Variants in CCDC62 observed in about 807,000 individuals in gnomAD.
CCDC62 encodes coiled-coil domain containing 62, also known as coiled-coil domain-containing protein 62.
CCDC62 carries 72 observed loss-of-function variants against 80.8 expected under a neutral mutation model. The observed-to-expected ratio is 0.89, with a 90% CI of 0.74 to 1.08. The LOEUF is 1.08. Among genes scored for constraint, CCDC62 ranks in the 50% least tolerant of loss-of-function variants. The pLI, the probability that CCDC62 is intolerant of heterozygous loss-of-function variation, is 0.00. For missense variants in CCDC62, 704 were observed against 809.4 expected (o/e 0.87, Z 1.58); for synonymous variants, 286 against 296.5 (o/e 0.96, Z 0.36).
At chr12:122,805,746 C>A (rs1008246514) in intron 9 of CCDC62, among the ~76,000 whole-genome samples, 10 of 151,876 alleles carry the variant, frequency 6.6e-5, no homozygotes, top group African/African-American at 2.4e-4. Context: ...TCCTGACCTC[C>A]TGATCCGCCT....
At chr12:122,776,124 G>A (rs1285783709) in intron 1 of CCDC62, among the ~76,000 whole-genome samples, 2 of 152,118 alleles carry the variant, frequency 1.3e-5, no homozygotes, top group Non-Finnish European at 2.9e-5. Context: ...TGATTACAAC[G>A]GGCCAGGCTT....
At chr12:122,790,835 T>G (rs1462169821) in intron 5 of CCDC62, among the ~76,000 whole-genome samples, 2 of 152,162 alleles carry the variant, frequency 1.3e-5, no homozygotes, top group African/African-American at 4.8e-5. Flanking sequence ...CTCGTTAGCA[T>G]GTAGTCTGGT....
chr12:122,808,755 T>G (rs4424710), intron 10 of CCDC62, among the ~76,000 whole-genome samples: 128,141 of 152,038 alleles, frequency 0.84, 55,248 homozygotes, highest in East Asian at 0.99. Flanking sequence ...TCAAACTCCT[T>G]ACCTCAAGCA....
At chr12:122,824,631 A>T (rs1397412111) in intron 12 of CCDC62, among the ~76,000 whole-genome samples, 1 of 139,270 alleles carries the variant, frequency 7.2e-6, no homozygotes, top group Non-Finnish European at 1.6e-5. Flanking sequence ...CTAAAAGTAG[A>T]ACTCCGATTT....
chr12:122,809,722 G>A (rs2031785815), intron 10 of CCDC62, among the ~76,000 whole-genome samples: 1 of 152,178 alleles, frequency 6.6e-6, no homozygotes, highest in Admixed American at 6.6e-5. Flanking sequence ...TCAATCCTAA[G>A]CCAAAAGAAC....
chr12:122,823,369 T>G lies in CCDC62; in HGVS notation c.2005T>G (p.Ser669Ala). The change falls in exon 12 of 13, where the codon TCA (serine) becomes GCA (alanine). Residue 669 changes from serine to alanine, a missense_variant. Transcript: ENST00000253079. ...TAATCTGGGAGTTGTTTTCTAGAAGTCAGAGGTCCCAGAAGAGTCAGCTCA... is the reference window on the plus strand; with the variant it reads ...TAATCTGGGAGTTGTTTTCTAGAAGGCAGAGGTCCCAGAAGAGTCAGCTCA... ...ENLTGSATNK[S>A]EVPEESAQKN... is the part of the protein sequence containing the mutation. The G allele has an allele frequency of 6.2e-7, 1 of 1,612,608 alleles. No individual in the cohort carries two copies. The highest frequency in any genetic ancestry group is 8.5e-7 in the Non-Finnish European group (1 of 1,178,650).
At chr12:122,798,700 G>C (rs1351253054) in intron 8 of CCDC62, among the ~76,000 whole-genome samples, 1 of 152,194 alleles carries the variant, frequency 6.6e-6, no homozygotes, top group Non-Finnish European at 1.5e-5. Context: ...AGAATCACTT[G>C]AACCCCGGAG....
chr12:122,819,107 C>T (rs1282494174), intron 11 of CCDC62, among the ~76,000 whole-genome samples: 1 of 152,116 alleles, frequency 6.6e-6, no homozygotes, highest in Admixed American at 6.6e-5. Context: ...TTTTCTGGTG[C>T]ATTAACTGAT....
rs771808380 is a variant in CCDC62, at chr12:122,781,370, C to T, written c.396+40C>T. ...TTGATAAGCTTCACTAGTCCAAATT[C>T]CCTTTGTGTTTCAGTTATTGAAAAA... On this transcript the variant is annotated intron_variant, in intron 3 of 12. Coordinates refer to ENST00000253079, the MANE Select transcript of CCDC62 (RefSeq NM_201435.5). 6 of 1,576,984 alleles carry T rather than the reference C, an allele frequency of 3.8e-6. No individual in the cohort carries two copies. The Admixed American group carries it at 1.1e-4, about 28-fold the overall frequency.
intron 9 of CCDC62, among the ~76,000 whole-genome samples, chr12:122,804,155 G>T (rs1017259187): frequency 6.6e-6 from 1 of 152,160 alleles, no homozygotes; most frequent in Non-Finnish European, 1.5e-5. Context: ...CCCGTGCAGG[G>T]AGAAACTGGG....
At chr12:122,799,834 G>A (rs190729718) in intron 8 of CCDC62, among the ~76,000 whole-genome samples, 34 of 152,274 alleles carry the variant, frequency 2.2e-4, no homozygotes, top group African/African-American at 8.2e-4. Flanking sequence ...TGTGGCTGGG[G>A]CCGCCCTGCT....
chr12:122,774,804 A>C, intron 1 of CCDC62, 98 bp downstream of exon 1: 3 of 984,376 alleles, frequency 3.0e-6, no homozygotes, highest in Non-Finnish European at 4.0e-6. Flanking sequence ...TAAAATGTGA[A>C]ACAGGCCGGG....
Position 122,774,829 on chromosome 12 carries a change from C to G in CCDC62, c.36+123C>G, listed in dbSNP as rs554660248. 6.0e-6 allele frequency: 4 copies of G among 663,360 alleles called. No individual in the cohort carries two copies. In the South Asian group the frequency reaches 3.1e-4, roughly 51 times the overall value. 41.1% of individuals were successfully genotyped at this position (663,360 alleles called of 1,614,324 possible). On this transcript the variant is annotated intron_variant, in intron 1 of 12. Transcript: ENST00000253079. ...AACAGGCCGGGCGCGGTGGCTCACG[C>G]CTGTAATCCCAGCGCTTTGGGAGGC...
At chr12:122,787,823 A>G (rs2030357133) in intron 4 of CCDC62, among the ~76,000 whole-genome samples, 1 of 152,136 alleles carries the variant, frequency 6.6e-6, no homozygotes, top group Non-Finnish European at 1.5e-5. Context: ...CATTAGAAGC[A>G]GATGCCCTCC....
At position 122,801,710 on chromosome 12, in the gene CCDC62, A is replaced by G. The variant is rs2031322052; in HGVS notation, c.1564A>G (p.Ile522Val). 2 of 1,614,090 alleles carry G rather than the reference A, an allele frequency of 1.2e-6. No homozygotes were observed. Among genetic ancestry groups the G allele is most frequent in the African/African-American group, 1.3e-5 (1 of 74,940 alleles). The change falls in exon 9 of 13, where the codon ATA becomes GTA. Residue 522 changes from isoleucine (I) to valine (V), a missense_variant. Physicochemically the swap from Ile to Val is conservative, Grantham distance 29. Coordinates refer to ENST00000253079, the MANE Select transcript of CCDC62 (RefSeq NM_201435.5). ...CAAGTGCTGCCACCCGAGTAACTTC[A>G]TAATTGAAGCCCCAGGCCACATGTC... ...DSKCCHPSNF[I>V]IEAPGHMSDV... is the part of the protein sequence containing the mutation.
At chr12:122,812,647 G>GGCAGGAGAATGGCGCGAACCCT (rs71085856) in intron 10 of CCDC62, among the ~76,000 whole-genome samples, 2 of 24,454 alleles carry the variant, frequency 8.2e-5, no homozygotes, top group Non-Finnish European at 2.4e-4. Context: ...GGGAGGCTGA[G>GGCAGGAGAATGGCGCGAACCCT]GTGGGTGGAG....
chr12:122,793,878 G>C (rs2030780007), intron 6 of CCDC62, among the ~76,000 whole-genome samples: 1 of 152,138 alleles, frequency 6.6e-6, no homozygotes, highest in Non-Finnish European at 1.5e-5. Context: ...TGCTGCATCT[G>C]CAAGTAGTGA....
In CCDC62 at chr12:122,811,802, C is replaced by T. The variant is rs368265804; in HGVS notation, c.1852-1468C>T. ...ACGCCACTGCACTCCAGCCTGGCAA[C>T]AGAGTGAGACTCCATCTGCAAAAAA... On this transcript the variant is annotated intron_variant, in intron 10 of 12. Coordinates refer to ENST00000253079, the MANE Select transcript of CCDC62 (RefSeq NM_201435.5). Among the ~76,000 whole-genome samples, 36 of 102,868 alleles carry T rather than the reference C, an allele frequency of 3.5e-4. No homozygotes were observed. The East Asian group carries it at 0.01, about 29-fold the overall frequency. The allele number at this position is 102,868 out of a possible 152,430, so 67.5% of individuals were successfully genotyped here.
intron 10 of CCDC62, among the ~76,000 whole-genome samples, chr12:122,809,767 T>A (rs1393172843): frequency 6.6e-6 from 1 of 152,152 alleles, no homozygotes; most frequent in Non-Finnish European, 1.5e-5. Context: ...GACTTCAAAC[T>A]ATACTACAAG....
Sources: allele counts gnomAD v4.1 joint callset (sites outside exome capture counted in the v4.1 genomes callset), GRCh38; gene constraint gnomAD v4.1.1; transcripts MANE v1.5; gene names NCBI Gene and HGNC (gene_info 2026-07-23, HGNC 2026-07-21).